The following CRY1 variants were observed in gnomAD, a reference collection of about 807,000 sequenced individuals.
CRY1 encodes cryptochrome circadian regulator 1.
CRY1 carries 45 observed loss-of-function variants against 76.0 expected under a neutral mutation model. The observed-to-expected ratio is 0.59, with a 90% CI of 0.47 to 0.76. The LOEUF (loss-of-function observed/expected upper bound fraction) is 0.76, where lower values mean the gene tolerates loss of function less well. Among genes scored for constraint, CRY1 ranks in the 30% least tolerant of loss-of-function variants. CRY1 has a pLI of 0.00. For missense variants in CRY1, 587 were observed against 716.4 expected, an observed-to-expected ratio of 0.82 and a Z score of 2.06; for synonymous variants, 248 against 244.0, an observed-to-expected ratio of 1.02 and a Z score of -0.15.
chr12:107,055,509 T>C (rs771166689), intron 1 of CRY1, among the ~76,000 whole-genome samples: 3 of 152,008 alleles, frequency 2.0e-5, no homozygotes, highest in Non-Finnish European at 4.4e-5. Flanking sequence ...ATAGGCTAAA[T>C]AGGGTATTCA....
At chr12:107,056,433 C>T (rs926064691) in intron 1 of CRY1, among the ~76,000 whole-genome samples, 1 of 152,248 alleles carries the variant, frequency 6.6e-6, no homozygotes, top group Non-Finnish European at 1.5e-5. Flanking sequence ...GGTAATGACT[C>T]TAATGCCATT....
intron 7 of CRY1, among the ~76,000 whole-genome samples, 190 bp from the exon 8 acceptor site, chr12:106,998,256 T>C (rs1440621591): frequency 6.6e-6 from 1 of 152,176 alleles, no homozygotes; most frequent in Non-Finnish European, 1.5e-5. Flanking sequence ...AACATAGTGG[T>C]AATATAGTAT....
intron 1 of CRY1, among the ~76,000 whole-genome samples, chr12:107,057,885 G>A (rs767128365): frequency 5.9e-5 from 9 of 151,270 alleles, no homozygotes; most frequent in African/African-American, 1.5e-4. Context: ...AAAGTGAGAC[G>A]CCGTCTCTCC....
At chr12:107,013,437 T>C (rs1328702901) in intron 2 of CRY1, among the ~76,000 whole-genome samples, 3 of 152,244 alleles carry the variant, frequency 2.0e-5, no homozygotes, top group African/African-American at 7.2e-5. Flanking sequence ...CAGAAAAGAC[T>C]ACAGAATAGT....
intron 10 of CRY1, among the ~76,000 whole-genome samples, chr12:106,994,476 G>C (rs1469458179): frequency 6.6e-6 from 1 of 152,004 alleles, no homozygotes; most frequent in Non-Finnish European, 1.5e-5. Context: ...TTATACTTAA[G>C]TTCTACTTAG....
chr12:107,019,214 G>A (rs1444820164), intron 2 of CRY1, among the ~76,000 whole-genome samples: 4 of 151,438 alleles, frequency 2.6e-5, no homozygotes, highest in African/African-American at 9.7e-5. Context: ...TATCCTTTTA[G>A]CCTTTTTTTT....
intron 3 of CRY1, 87 bp downstream of exon 3, chr12:107,005,019 C>G: frequency 7.9e-7 from 1 of 1,267,618 alleles, no homozygotes; most frequent in Non-Finnish European, 1.1e-6. Flanking sequence ...TAGTTAATAC[C>G]ACCGAACTAT....
chr12:107,025,496 T>C (rs1009382018), intron 1 of CRY1, among the ~76,000 whole-genome samples: 2 of 152,160 alleles, frequency 1.3e-5, no homozygotes, highest in Non-Finnish European at 2.9e-5. Flanking sequence ...TCTCATAGCA[T>C]TGTTCGTGAG....
intron 1 of CRY1, among the ~76,000 whole-genome samples, chr12:107,062,384 T>A (rs1053292545): frequency 1.3e-5 from 2 of 152,194 alleles, no homozygotes; most frequent in African/African-American, 4.8e-5. Flanking sequence ...AGCAAAATGT[T>A]GACTACCAAC....
At chr12:107,006,117 G>C (rs575776601) in intron 2 of CRY1, among the ~76,000 whole-genome samples, 1 of 152,118 alleles carries the variant, frequency 6.6e-6, no homozygotes, top group Non-Finnish European at 1.5e-5. Context: ...GGCGTGCGGT[G>C]GCTCATGCCT....
chr12:107,002,351 A>G (rs1280836560), intron 3 of CRY1, among the ~76,000 whole-genome samples: 1 of 152,186 alleles, frequency 6.6e-6, no homozygotes, highest in Non-Finnish European at 1.5e-5. Flanking sequence ...TAAAAACTAA[A>G]CCAGGTTGAT....
At chr12:107,018,916 CAGAAG>C (rs968962764) in intron 2 of CRY1, among the ~76,000 whole-genome samples, 4 of 152,160 alleles carry the variant, frequency 2.6e-5, no homozygotes, top group Admixed American at 2.0e-4. Context: ...GTGAATGACA[CAGAAG>C]AAAGATACAT....
intron 1 of CRY1, among the ~76,000 whole-genome samples, chr12:107,035,701 A>G (rs1261693743): frequency 6.6e-6 from 1 of 152,222 alleles, no homozygotes; most frequent in East Asian, 1.9e-4. Flanking sequence ...TTCAGTGCTG[A>G]TAATTTTTAT....
At chr12:107,024,131 G>A (rs1403312142) in intron 1 of CRY1, among the ~76,000 whole-genome samples, 3 of 152,102 alleles carry the variant, frequency 2.0e-5, no homozygotes, top group African/African-American at 7.2e-5. Flanking sequence ...GGTAATCTAA[G>A]GCAATAATAA....
At chr12:107,000,870 G>C (rs1364422975) in intron 5 of CRY1, among the ~76,000 whole-genome samples, 3 of 151,958 alleles carry the variant, frequency 2.0e-5, no homozygotes, top group East Asian at 1.9e-4. Flanking sequence ...GGCTGGTCTT[G>C]AACTCCTGAC....
chr12:107,084,487 T>C (rs748721590), intron 1 of CRY1, among the ~76,000 whole-genome samples: 27 of 152,120 alleles, frequency 1.8e-4, no homozygotes, highest in Non-Finnish European at 3.1e-4. Flanking sequence ...AACAGATACA[T>C]AGACCAGTGG....
intron 1 of CRY1, among the ~76,000 whole-genome samples, chr12:107,063,014 T>C (rs889721924): frequency 6.7e-6 from 1 of 150,368 alleles, no homozygotes; most frequent in Non-Finnish European, 1.5e-5. Context: ...CAAAACTTTA[T>C]TTATTTTTAA....
intron 1 of CRY1, among the ~76,000 whole-genome samples, chr12:107,064,910 C>G (rs1208249024): frequency 6.6e-6 from 1 of 152,142 alleles, no homozygotes; most frequent in Non-Finnish European, 1.5e-5. Context: ...ACTAAAAGAA[C>G]TTGAGGGAGG....
At chr12:107,008,530 T>C (rs187593191) in intron 2 of CRY1, among the ~76,000 whole-genome samples, 234 of 152,344 alleles carry the variant, frequency 1.5e-3, no homozygotes, top group African/African-American at 5.1e-3. Context: ...CTTCCATGAC[T>C]GCACTGGCTA....
Sources: allele counts gnomAD v4.1 joint callset (sites outside exome capture counted in the v4.1 genomes callset), GRCh38; gene constraint gnomAD v4.1.1; transcripts MANE v1.5; gene names NCBI Gene and HGNC (gene_info 2026-07-23, HGNC 2026-07-21).